RPS6KB1: variants seen among roughly 807,000 people sequenced by gnomAD.
RPS6KB1 encodes ribosomal protein S6 kinase B1, also known as ribosomal protein S6 kinase beta-1.
RPS6KB1 carries 12 observed loss-of-function variants against 70.2 expected under a neutral mutation model. The ratio of observed to expected loss-of-function variants is 0.17; its 90% CI spans 0.11 to 0.28. The LOEUF (loss-of-function observed/expected upper bound fraction) is 0.28. Ranked by LOEUF, RPS6KB1 falls within the 10% of genes least tolerant of loss-of-function variation. RPS6KB1 has a pLI of 1.00. For missense variants in RPS6KB1, 270 were observed against 646.6 expected, an observed-to-expected ratio of 0.42 and a Z score of 6.32; for synonymous variants, 175 against 211.2, an observed-to-expected ratio of 0.83 and a Z score of 1.49.
chr17:59,913,009 A>C (rs1455179574), intron 3 of RPS6KB1, among the ~76,000 whole-genome samples: 1 of 152,180 alleles, frequency 6.6e-6, no homozygotes. Flanking sequence ...CCTGGCACAT[A>C]ATAGGTACTC....
At chr17:59,907,916 A>C (rs1003003067) in intron 1 of RPS6KB1, among the ~76,000 whole-genome samples, 1 of 152,066 alleles carries the variant, frequency 6.6e-6, no homozygotes, top group African/African-American at 2.4e-5. Context: ...TAGTATATAG[A>C]AGGTTATTTA....
Position 59,924,104 on chromosome 17 carries a change from C to A in RPS6KB1, c.382-2331C>A, listed in dbSNP as rs778549968. Among the ~76,000 whole-genome samples the A allele has an allele frequency of 2.6e-5, 4 of 152,006 alleles. No individual in the cohort carries two copies. In the East Asian group the frequency reaches 5.8e-4, roughly 22 times the overall value. On this transcript the variant is annotated intron_variant, in intron 4 of 14. Coordinates refer to ENST00000225577, the MANE Select transcript of RPS6KB1 (RefSeq NM_003161.4). ...ATCCCAGCACTTTGGGAGGCCAAGGCGGGCGGATCATGAGCTCAGTTCGAA... is the reference window on the plus strand; with the variant it reads ...ATCCCAGCACTTTGGGAGGCCAAGGAGGGCGGATCATGAGCTCAGTTCGAA...
At chr17:59,909,234 T>C (rs2042471843) in intron 1 of RPS6KB1, among the ~76,000 whole-genome samples, 1 of 2,882 alleles carries the variant, frequency 3.5e-4, no homozygotes, top group Non-Finnish European at 8.6e-4. Context: ...GGCTTTTTTT[T>C]TTTTTTTTTT....
At chr17:59,920,789 C>T (rs1261376486) in intron 4 of RPS6KB1, among the ~76,000 whole-genome samples, 1 of 152,194 alleles carries the variant, frequency 6.6e-6, no homozygotes, top group Non-Finnish European at 1.5e-5. Context: ...ACCTTTGCCT[C>T]TTGGGTTCCA....
intron 4 of RPS6KB1, among the ~76,000 whole-genome samples, chr17:59,918,115 A>G (rs966901653): frequency 6.6e-6 from 1 of 151,372 alleles, no homozygotes; most frequent in Non-Finnish European, 1.5e-5. Flanking sequence ...GTATTTTTAG[A>G]AGAGACAGGG....
In RPS6KB1 at chr17:59,914,669, C is replaced by T. The variant is rs377332462; in HGVS notation, c.347C>T (p.Thr116Ile). 4 of 1,612,678 alleles carry T rather than the reference C, an allele frequency of 2.5e-6. No individual in the cohort carries two copies. The highest frequency in any genetic ancestry group is 3.4e-6 in the Non-Finnish European group (4 of 1,179,736). Residue 116 changes from threonine (T) to isoleucine (I), a missense_variant, in exon 4 of 15, where the codon ACT becomes ATT. Thr to Ile is a moderately conservative substitution (Grantham distance 89). Coordinates refer to ENST00000225577, the MANE Select transcript of RPS6KB1 (RefSeq NM_003161.4). ...FQVRKVTGAN[T>I]GKIFAMKVLK... The stretch of plus-strand genomic sequence containing the variant: ...GTACGAAAAGTAACAGGAGCAAATA[C>T]TGGGAAAATATTTGCCATGAAGGTG...
At chr17:59,924,561 A>C (rs2043482840) in intron 4 of RPS6KB1, among the ~76,000 whole-genome samples, 1 of 152,030 alleles carries the variant, frequency 6.6e-6, no homozygotes, top group Non-Finnish European at 1.5e-5. Flanking sequence ...GGAAGAAAAA[A>C]ATGGATGATA....
At chr17:59,926,795 AATTTT>A (rs1304573215) in intron 5 of RPS6KB1, among the ~76,000 whole-genome samples, 1 of 152,128 alleles carries the variant, frequency 6.6e-6, no homozygotes, top group Non-Finnish European at 1.5e-5. Flanking sequence ...TCATCTGTAA[AATTTT>A]ATTTTAATTC....
chr17:59,897,972 A>G (rs1226490594), intron 1 of RPS6KB1, among the ~76,000 whole-genome samples: 1 of 152,058 alleles, frequency 6.6e-6, no homozygotes, highest in Non-Finnish European at 1.5e-5. Flanking sequence ...CTCAAAAAAA[A>G]AAAAAAAAGA....
intron 4 of RPS6KB1, among the ~76,000 whole-genome samples, chr17:59,917,401 A>AT (rs2144838516): frequency 6.6e-6 from 1 of 152,138 alleles, no homozygotes; most frequent in South Asian, 2.1e-4. Flanking sequence ...GATTACAGGT[A>AT]TGGCCCACTG....
At chr17:59,916,633 G>C (rs747102312) in intron 4 of RPS6KB1, among the ~76,000 whole-genome samples, 10 of 152,222 alleles carry the variant, frequency 6.6e-5, no homozygotes, top group South Asian at 6.2e-4. Context: ...CTATCCACCT[G>C]TTCCCATCTG....
chr17:59,908,613 A>ATTTTTT (rs546677930), intron 1 of RPS6KB1, among the ~76,000 whole-genome samples: 12 of 106,188 alleles, frequency 1.1e-4, no homozygotes, highest in South Asian at 3.2e-4. Context: ...TGTAAAAAAA[A>ATTTTTT]TTTTTTTTTT....
chr17:59,935,892 A>G (rs2044200394), intron 10 of RPS6KB1, among the ~76,000 whole-genome samples: 1 of 151,342 alleles, frequency 6.6e-6, no homozygotes, highest in Non-Finnish European at 1.5e-5. Context: ...TCTCACTGCA[A>G]CCTCCACCTC....
intron 4 of RPS6KB1, among the ~76,000 whole-genome samples, chr17:59,924,975 C>A (rs1488481461): frequency 6.6e-6 from 1 of 151,904 alleles, no homozygotes; most frequent in Non-Finnish European, 1.5e-5. Context: ...ACTACAGGCA[C>A]CTGCCACCAT....
Position 59,947,070 on chromosome 17 carries a change from C to T in RPS6KB1, c.*282C>T, listed in dbSNP as rs765153082. 20 of 1,256,956 alleles carry T rather than the reference C, an allele frequency of 1.6e-5. No homozygotes were observed. Among genetic ancestry groups the T allele is most frequent in the Non-Finnish European group, 1.8e-5 (18 of 990,660 alleles). 77.9% of individuals were successfully genotyped at this position (1,256,956 alleles called of 1,614,324 possible). ...ATCAAGGATTTTCATGTTGATGACT[C>T]GAAACTGACAGTATTAAGGGTAGGA... On this transcript the variant is annotated 3_prime_UTR_variant, in exon 15 of 15. Coordinates refer to ENST00000225577, the MANE Select transcript of RPS6KB1 (RefSeq NM_003161.4).
At chr17:59,915,309 G>A (rs796346676) in intron 4 of RPS6KB1, among the ~76,000 whole-genome samples, 2 of 151,838 alleles carry the variant, frequency 1.3e-5, no homozygotes, top group African/African-American at 2.4e-5. Flanking sequence ...TTCTAACACA[G>A]TTGCAATACT....
At chr17:59,919,316 G>A (rs912088327) in intron 4 of RPS6KB1, among the ~76,000 whole-genome samples, 42 of 152,162 alleles carry the variant, frequency 2.8e-4, no homozygotes, top group Non-Finnish European at 4.7e-4. Flanking sequence ...CCTGAGGTCA[G>A]GAGTTCAAAA....
chr17:59,904,393 A>T (rs2042139065), intron 1 of RPS6KB1, among the ~76,000 whole-genome samples: 1 of 137,892 alleles, frequency 7.3e-6, no homozygotes, highest in African/African-American at 2.8e-5. Flanking sequence ...GTAATTCTTT[A>T]TGTATCATTT....
chr17:59,918,717 G>A (rs1280773144), intron 4 of RPS6KB1, among the ~76,000 whole-genome samples: 1 of 151,802 alleles, frequency 6.6e-6, no homozygotes, highest in Admixed American at 6.6e-5. Flanking sequence ...TTTGTTTTAC[G>A]CATGTTCTTT....
Sources: allele counts gnomAD v4.1 joint callset (sites outside exome capture counted in the v4.1 genomes callset), GRCh38; gene constraint gnomAD v4.1.1; transcripts MANE v1.5; gene names NCBI Gene and HGNC (gene_info 2026-07-23, HGNC 2026-07-21).